Variants in TSHZ3 observed in about 807,000 individuals in gnomAD.
The protein encoded by TSHZ3 is teashirt zinc finger homeobox 3.
Under a neutral mutation model 64.5 loss-of-function variants are expected in TSHZ3, and 10 were observed. The observed-to-expected ratio is 0.16, with a 90% confidence interval of 0.10 to 0.26. The LOEUF (loss-of-function observed/expected upper bound fraction) is 0.26, where lower values mean the gene tolerates loss of function less well. Ranked by LOEUF, TSHZ3 falls within the 10% of genes least tolerant of loss-of-function variation. The probability of loss-of-function intolerance (pLI) is 1.00; values close to 1 mark genes in which losing one functional copy is unlikely to be tolerated. For missense variants in TSHZ3, 1,242 were observed against 1,421.7 expected, an observed-to-expected ratio of 0.87 and a Z score of 2.03; for synonymous variants, 608 against 593.1, an observed-to-expected ratio of 1.03 and a Z score of -0.36.
chr19:31,151,018 C>CAA (rs1049162502), exon 7 of TSHZ3, among the ~76,000 whole-genome samples: 34 of 152,168 alleles, frequency 2.2e-4, no homozygotes, highest in African/African-American at 8.2e-4. Context: ...GCAGTTGAGT[C>CAA]ATAAACGAAA....
intron 1 of TSHZ3, among the ~76,000 whole-genome samples, chr19:31,243,449 T>C (rs906049403): frequency 6.6e-6 from 1 of 152,192 alleles, no homozygotes; most frequent in Non-Finnish European, 1.5e-5. Flanking sequence ...CACTCACCCC[T>C]GTGTAGTCAG....
At chr19:31,287,191 G>T (rs900350153) in intron 1 of TSHZ3, among the ~76,000 whole-genome samples, 1 of 152,168 alleles carries the variant, frequency 6.6e-6, no homozygotes, top group African/African-American at 2.4e-5. Context: ...GAAAGGAAAA[G>T]AAAGTATGGC....
chr19:31,158,701 G>T (rs1370588831), intron 5 of TSHZ3, among the ~76,000 whole-genome samples: 1 of 152,170 alleles, frequency 6.6e-6, no homozygotes, highest in Non-Finnish European at 1.5e-5. Context: ...TGTAGAATCA[G>T]TGGGAGCCCT....
At chr19:31,321,988 A>AC (rs1356958857) in intron 1 of TSHZ3, among the ~76,000 whole-genome samples, 1 of 151,412 alleles carries the variant, frequency 6.6e-6, no homozygotes, top group African/African-American at 2.4e-5. Context: ...CATTCCCCCT[A>AC]CCCCCAAAAA....
chr19:31,235,428 G>C (rs908922727), intron 3 of TSHZ3, among the ~76,000 whole-genome samples: 1 of 151,156 alleles, frequency 6.6e-6, no homozygotes, highest in African/African-American at 2.4e-5. Flanking sequence ...CCACATATAA[G>C]TGAGATCATG....
chr19:31,181,237 C>T (rs8107562), intron 5 of TSHZ3, among the ~76,000 whole-genome samples: 103,243 of 151,938 alleles, frequency 0.68, 35,194 homozygotes, highest in Middle Eastern at 0.72. Flanking sequence ...CATGATTTAG[C>T]GTGATTACCA....
intron 4 of TSHZ3, among the ~76,000 whole-genome samples, chr19:31,211,202 G>A (rs1220693051): frequency 1.3e-5 from 2 of 152,130 alleles, no homozygotes; most frequent in Non-Finnish European, 2.9e-5. Flanking sequence ...CTAAAATAAG[G>A]ATTCATTCTT....
chr19:31,165,962 G>A (rs1050958562), intron 5 of TSHZ3, among the ~76,000 whole-genome samples: 14 of 152,182 alleles, frequency 9.2e-5, no homozygotes, highest in South Asian at 8.3e-4. Context: ...TATGATTAGA[G>A]AAATGGATAA....
intron 1 of TSHZ3, among the ~76,000 whole-genome samples, chr19:31,310,099 C>T (rs764857032): frequency 5.3e-5 from 8 of 152,200 alleles, no homozygotes; most frequent in Non-Finnish European, 1.2e-4. Flanking sequence ...GTTTGAGCGA[C>T]ATCTCCTTCC....
intron 3 of TSHZ3, among the ~76,000 whole-genome samples, chr19:31,230,883 T>C (rs537165115): frequency 6.3e-4 from 96 of 151,612 alleles, no homozygotes; most frequent in African/African-American, 2.2e-3. Flanking sequence ...TTTGTATTTT[T>C]AGTAGAGACG....
chr19:31,277,732 C>G lies in TSHZ3; in HGVS notation c.2061G>C (p.Pro687=). The G allele has an allele frequency of 6.6e-7, 1 of 1,522,080 alleles. No individual in the cohort carries two copies. Among genetic ancestry groups the G allele is most frequent in the South Asian group, 1.3e-5 (1 of 75,304 alleles). 94.3% of individuals were successfully genotyped at this position (1,522,080 alleles called of 1,614,324 possible). Reference sequence around the variant, plus strand: ...TCACCAGCTCCTTGCCATTCTCCACCGGCTCAGCGAGGGGGCTCCCATCCT... The same window carrying G: ...TCACCAGCTCCTTGCCATTCTCCACGGGCTCAGCGAGGGGGCTCCCATCCT... ...GCKDGSPLAE[P]VENGKELVKP... Residue 687 remains proline (P), a synonymous_variant, in exon 2 of 2, where the codon CCG becomes CCC. Transcript: ENST00000240587. This position sits in a 1 kb window ranked among gnomAD's most constrained non-coding sequence, Gnocchi z 4.5.
intron 1 of TSHZ3, among the ~76,000 whole-genome samples, chr19:31,347,111 TCTC>T (rs1568388992): frequency 6.6e-6 from 1 of 151,582 alleles, no homozygotes; most frequent in Non-Finnish European, 1.5e-5. Context: ...CATTCTTCCA[TCTC>T]CTATTAGTCC....
At chr19:31,226,973 C>CTTTTTTTT (rs1255178594) in intron 4 of TSHZ3, among the ~76,000 whole-genome samples, 11 of 68,148 alleles carry the variant, frequency 1.6e-4, no homozygotes, top group African/African-American at 8.0e-4. Context: ...TTCTTTCTTT[C>CTTTTTTTT]TTTCTTTTTT....
At chr19:31,245,157 A>C (rs1975744729) in intron 1 of TSHZ3, among the ~76,000 whole-genome samples, 1 of 152,118 alleles carries the variant, frequency 6.6e-6, no homozygotes, top group African/African-American at 2.4e-5. Context: ...GCAAGTCAGT[A>C]TACAATAAAC....
At chr19:31,231,291 C>A (rs1347193213) in intron 3 of TSHZ3, among the ~76,000 whole-genome samples, 1 of 152,084 alleles carries the variant, frequency 6.6e-6, no homozygotes, top group Non-Finnish European at 1.5e-5. Flanking sequence ...ACACTTTCAG[C>A]TCTCAGGAGG....
exon 3 of TSHZ3, among the ~76,000 whole-genome samples, chr19:31,242,404 C>A (rs1243521016): frequency 6.6e-6 from 1 of 152,164 alleles, no homozygotes; most frequent in Non-Finnish European, 1.5e-5. Flanking sequence ...AAGTCTGAGG[C>A]CAAAGGCCTG....
At chr19:31,288,449 G>A (rs767669546) in intron 1 of TSHZ3, among the ~76,000 whole-genome samples, 1 of 152,168 alleles carries the variant, frequency 6.6e-6, no homozygotes, top group Non-Finnish European at 1.5e-5. Context: ...GCCCACAACA[G>A]AGCAGACCCC....
chr19:31,297,320 G>T (rs923161840), intron 1 of TSHZ3, among the ~76,000 whole-genome samples: 1 of 152,230 alleles, frequency 6.6e-6, no homozygotes. Flanking sequence ...CAGGACAATG[G>T]AGACAGATGT....
In TSHZ3 at chr19:31,278,059, G is replaced by A; in HGVS notation, c.1734C>T (p.Gly578=). 6.2e-7 allele frequency: 1 copy of A among 1,613,750 alleles called. No individual in the cohort carries two copies. The highest frequency in any genetic ancestry group is 1.7e-5 in the Admixed American group (1 of 60,016). ...TCGTCGGGGAGACAATCTCACTGTTGCCAAACATGGGTTTCAGGGGCGTGC... is the reference window on the plus strand; with the variant it reads ...TCGTCGGGGAGACAATCTCACTGTTACCAAACATGGGTTTCAGGGGCGTGC... ...GKSTPLKPMF[G]NSEIVSPTKN... The change falls in exon 2 of 2, where the codon GGC becomes GGT. Residue 578 remains glycine (G), a synonymous_variant. Transcript: ENST00000240587. This position sits in a 1 kb window ranked among gnomAD's most constrained non-coding sequence, Gnocchi z 4.7.
Sources: gnomAD v4.1 joint callset for allele counts (sites outside exome capture counted in the v4.1 genomes callset) on GRCh38, gnomAD v4.1.1 for gene constraint, Gnocchi (gnomAD v3.1) non-coding constraint, MANE v1.5 for transcripts, NCBI Gene and HGNC (gene_info 2026-07-23, HGNC 2026-07-21) for gene names.